Variants in HIPK2 observed in about 807,000 individuals in gnomAD.
HIPK2 encodes the protein homeodomain interacting protein kinase 2, also known as homeodomain-interacting protein kinase 2.
A neutral mutation model predicts 113.7 loss-of-function variants in HIPK2; 27 were observed. The observed-to-expected ratio is 0.24, with a 90% CI of 0.17 to 0.33. The LOEUF is 0.33. Among genes scored for constraint, HIPK2 ranks in the 10% least tolerant of loss-of-function variants. The pLI, the probability that HIPK2 is intolerant of heterozygous loss-of-function variation, is 1.00. For missense variants in HIPK2, 1,257 were observed against 1,588.0 expected (o/e 0.79, Z 3.54); for synonymous variants, 631 against 642.2 (o/e 0.98, Z 0.26).
intron 13 of HIPK2, among the ~76,000 whole-genome samples, chr7:139,580,613 C>T (rs1314994565): frequency 1.3e-5 from 2 of 152,256 alleles, no homozygotes; most frequent in African/African-American, 2.4e-5. Context: ...GCCCTGTCTA[C>T]ACTAGGTGAG....
intron 1 of HIPK2, among the ~76,000 whole-genome samples, chr7:139,775,137 T>C (rs575767658): frequency 1.3e-5 from 2 of 152,294 alleles, no homozygotes; most frequent in Middle Eastern, 6.8e-3. Flanking sequence ...GCACACTCTT[T>C]AGGAGCTCAA....
rs993782262 is a variant in HIPK2, at chr7:139,630,982, G to A, written c.1347+183C>T. On this transcript the variant is annotated intron_variant, in intron 4 of 14. Transcript: ENST00000406875. This position sits in a 1 kb window ranked among gnomAD's most constrained non-coding sequence, Gnocchi z 4.0. Reference sequence around the variant, plus strand: ...ATCATAAGGTTGGACTCTCACAGGCGGCGATAGGCCAAGGGAAAGAGGGGC... The same window carrying A: ...ATCATAAGGTTGGACTCTCACAGGCAGCGATAGGCCAAGGGAAAGAGGGGC... The A allele has an allele frequency of 2.7e-5, 8 of 297,120 alleles. No individual in the cohort carries two copies. The highest frequency in any genetic ancestry group is 1.5e-5 in the Non-Finnish European group (3 of 200,626). 18.4% of individuals were successfully genotyped at this position (297,120 alleles called of 1,614,324 possible).
chr7:139,767,861 C>G (rs1233162356), intron 1 of HIPK2, among the ~76,000 whole-genome samples: 1 of 152,260 alleles, frequency 6.6e-6, no homozygotes, highest in Non-Finnish European at 1.5e-5. Flanking sequence ...AACAAGGGCT[C>G]AAGCCCTGAA....
At chr7:139,603,252 G>A (rs953701612) in intron 10 of HIPK2, among the ~76,000 whole-genome samples, 63 of 152,294 alleles carry the variant, frequency 4.1e-4, no homozygotes, top group African/African-American at 1.5e-3. Flanking sequence ...GACCTGTCCT[G>A]ATATTCGTGC....
In HIPK2 at chr7:139,571,755, G is replaced by A. The variant is rs139640060; in HGVS notation, c.*1172C>T. 1.3e-5 allele frequency: 2 copies of A among 152,386 alleles called. No homozygotes were observed. Among genetic ancestry groups the A allele is most frequent in the East Asian group, 3.9e-4 (2 of 5,184 alleles). The allele number at this position is 152,386 out of a possible 1,614,324, so 9.4% of individuals were successfully genotyped here. On this transcript the variant is annotated 3_prime_UTR_variant, in exon 15 of 15. Coordinates refer to ENST00000406875, the MANE Select transcript of HIPK2 (RefSeq NM_022740.5). ...CTAGCCTCAGTTTCTTGGAGTACCA[G>A]TGGAAGTAAACCCTCACGCCGCGTC...
intron 13 of HIPK2, among the ~76,000 whole-genome samples, chr7:139,575,543 G>T (rs1798463194): frequency 6.6e-6 from 1 of 152,238 alleles, no homozygotes; most frequent in African/African-American, 2.4e-5. Flanking sequence ...AAGCGGAAAA[G>T]AATCAGGAGA....
At chr7:139,748,975 C>A (rs541249373) in intron 1 of HIPK2, among the ~76,000 whole-genome samples, 2 of 152,220 alleles carry the variant, frequency 1.3e-5, no homozygotes, top group Non-Finnish European at 2.9e-5. Flanking sequence ...CCATGATACA[C>A]CAAGTCATTC....
rs1312451609 is a variant in HIPK2 at position 139,683,257 on chromosome 7, T to G, written c.1103+32675A>C. 6.6e-6 allele frequency among the ~76,000 whole-genome samples: 1 copy of G among 152,202 alleles called. No homozygotes were observed. Among genetic ancestry groups the G allele is most frequent in the African/African-American group, 2.4e-5 (1 of 41,460 alleles). Reference sequence around the variant, plus strand: ...AAATGCGAACAGAGACTGCATTAGCTGCCTGTTAATGTGTAACAAGGTACC... The same window carrying G: ...AAATGCGAACAGAGACTGCATTAGCGGCCTGTTAATGTGTAACAAGGTACC... On this transcript the variant is annotated intron_variant, in intron 2 of 14. Coordinates refer to ENST00000406875, the MANE Select transcript of HIPK2 (RefSeq NM_022740.5). The surrounding 1 kb of genome is among the most constrained non-coding windows in gnomAD (Gnocchi z 4.2).
At chr7:139,772,734 C>T (rs1014548865) in intron 1 of HIPK2, among the ~76,000 whole-genome samples, 6 of 151,428 alleles carry the variant, frequency 4.0e-5, no homozygotes, top group African/African-American at 1.5e-4. Flanking sequence ...ATTACAGGCA[C>T]CACCACCACG....
intron 11 of HIPK2, among the ~76,000 whole-genome samples, chr7:139,598,948 T>C (rs1226276607): frequency 1.3e-5 from 2 of 152,208 alleles, no homozygotes; most frequent in African/African-American, 4.8e-5. Context: ...CTGAGATAAA[T>C]TTCCCTGAGT....
chr7:139,774,836 G>T (rs916675454), intron 1 of HIPK2, among the ~76,000 whole-genome samples: 3 of 152,122 alleles, frequency 2.0e-5, no homozygotes, highest in Non-Finnish European at 4.4e-5. Context: ...ACCTTCTAAA[G>T]AAAATAAACC....
chr7:139,754,895 G>T (rs1316823325), intron 1 of HIPK2, among the ~76,000 whole-genome samples: 1 of 152,112 alleles, frequency 6.6e-6, no homozygotes, highest in Admixed American at 6.5e-5. Context: ...ATCACACAGC[G>T]AGTCTCTGAT....
chr7:139,697,014 T>A (rs1013425010), intron 2 of HIPK2, among the ~76,000 whole-genome samples: 10 of 152,208 alleles, frequency 6.6e-5, no homozygotes, highest in Non-Finnish European at 1.5e-4. Flanking sequence ...AAATGGAATT[T>A]TATTTAGGCT....
In HIPK2 at chr7:139,700,592, G is replaced by A. The variant is rs1048189713; in HGVS notation, c.1103+15340C>T. 2.0e-4 allele frequency among the ~76,000 whole-genome samples: 31 copies of A among 152,192 alleles called. No homozygotes were observed. In the East Asian group the frequency reaches 4.0e-3, roughly 20 times the overall value. On this transcript the variant is annotated intron_variant, in intron 2 of 14. Transcript: ENST00000406875. ...ACGCTGTATTTTCTGAAATCTGCAC[G>A]TTTACAGTTAACCCTCCCACTCTGG...
At chr7:139,722,024 T>C in intron 1 of HIPK2, 1 of 474,280 alleles carries the variant, frequency 2.1e-6, no homozygotes, top group Non-Finnish European at 4.2e-6. Context: ...TACCACTCTG[T>C]CTCATAAACA....
At chr7:139,575,814 A>ATTT (rs1798472626) in intron 13 of HIPK2, among the ~76,000 whole-genome samples, 2 of 152,198 alleles carry the variant, frequency 1.3e-5, no homozygotes, top group Non-Finnish European at 2.9e-5. Flanking sequence ...TTAGCTATTG[A>ATTT]GAGATTGGCT....
At chr7:139,604,052 C>A in intron 10 of HIPK2, 29 bp downstream of exon 10, 1 of 1,613,404 alleles carries the variant, frequency 6.2e-7, no homozygotes, top group Non-Finnish European at 8.5e-7. Flanking sequence ...CAGACACACC[C>A]ACTCACCCTA....
chr7:139,653,587 A>G (rs1443467868), intron 2 of HIPK2, among the ~76,000 whole-genome samples: 1 of 151,958 alleles, frequency 6.6e-6, no homozygotes, highest in Non-Finnish European at 1.5e-5. Context: ...CACTGCCTCA[A>G]GAAGCACAGC....
chr7:139,608,154 G>A (rs1488460861), intron 9 of HIPK2, among the ~76,000 whole-genome samples: 1 of 151,846 alleles, frequency 6.6e-6, no homozygotes, highest in African/African-American at 2.4e-5. Flanking sequence ...TGAGGCACGA[G>A]AATTGCTTGA....
Sources: gnomAD v4.1 joint callset for allele counts (sites outside exome capture counted in the v4.1 genomes callset) on GRCh38, gnomAD v4.1.1 for gene constraint, Gnocchi (gnomAD v3.1) non-coding constraint, MANE v1.5 for transcripts, NCBI Gene and HGNC (gene_info 2026-07-23, HGNC 2026-07-21) for gene names.